SRGAP2: variants seen among roughly 807,000 people sequenced by gnomAD.
SRGAP2 encodes the protein SLIT-ROBO Rho GTPase activating protein 2.
Under a neutral mutation model 57.2 loss-of-function variants are expected in SRGAP2, and 15 were observed. The observed-to-expected ratio is 0.26, with a 90% CI of 0.18 to 0.40. The LOEUF is 0.40. Among genes scored for constraint, SRGAP2 ranks in the 10% least tolerant of loss-of-function variants. The pLI, the probability that SRGAP2 is intolerant of heterozygous loss-of-function variation, is 1.00. For missense variants in SRGAP2, 520 were observed against 669.6 expected (o/e 0.78, Z 2.47); for synonymous variants, 249 against 248.0 (o/e 1.00, Z -0.04).
At chr1:206,310,603 A>G (rs1360288189) in intron 3 of SRGAP2, among the ~76,000 whole-genome samples, 3 of 152,132 alleles carry the variant, frequency 2.0e-5, no homozygotes, top group African/African-American at 7.2e-5. Flanking sequence ...TCTACTTCTC[A>G]ATGCAACATT....
chr1:206,448,139 GC>G (rs1355016449), intron 18 of SRGAP2, among the ~76,000 whole-genome samples: 2 of 152,160 alleles, frequency 1.3e-5, no homozygotes, highest in African/African-American at 2.4e-5. Context: ...AGAAGTGCCA[GC>G]CCCGGGAGCT....
At chr1:206,445,596 A>G (rs1258229809) in intron 17 of SRGAP2, among the ~76,000 whole-genome samples, 1 of 152,124 alleles carries the variant, frequency 6.6e-6, no homozygotes, top group African/African-American at 2.4e-5. Flanking sequence ...TAATAATTTG[A>G]TTATTTTGTT....
intron 13 of SRGAP2, among the ~76,000 whole-genome samples, chr1:206,422,188 G>C (rs1055382431): frequency 2.0e-5 from 3 of 152,146 alleles, no homozygotes; most frequent in Non-Finnish European, 4.4e-5. Flanking sequence ...TAAAGAGGGC[G>C]CATGGTTTTT....
chr1:206,231,652 C>T (rs1667646381), intron 2 of SRGAP2, among the ~76,000 whole-genome samples: 1 of 148,510 alleles, frequency 6.7e-6, no homozygotes, highest in Non-Finnish European at 1.5e-5. Context: ...ATTTTTGTGC[C>T]TCAGCCACCC....
At chr1:206,322,802 A>T (rs1553328177) in intron 3 of SRGAP2, among the ~76,000 whole-genome samples, 1 of 141,094 alleles carries the variant, frequency 7.1e-6, no homozygotes, top group African/African-American at 3.0e-5. Flanking sequence ...AAAGAAGCTT[A>T]TTTGGCTCAC....
intron 2 of SRGAP2, among the ~76,000 whole-genome samples, chr1:206,274,058 TA>T (rs1176392375): frequency 7.4e-6 from 1 of 135,006 alleles, no homozygotes; most frequent in Non-Finnish European, 1.5e-5. Flanking sequence ...CAGAACAAGA[TA>T]GGGGAAAAGA....
intron 3 of SRGAP2, among the ~76,000 whole-genome samples, chr1:206,313,900 C>T (rs1672857132): frequency 1.3e-5 from 2 of 151,526 alleles, no homozygotes; most frequent in Non-Finnish European, 2.9e-5. Context: ...CACCCCTGTA[C>T]TCCTAGAGCT....
At chr1:206,241,911 C>CGT (rs781785493) in intron 2 of SRGAP2, among the ~76,000 whole-genome samples, 18,118 of 103,294 alleles carry the variant, frequency 0.18, 1,628 homozygotes, top group Middle Eastern at 0.2. Flanking sequence ...GAGGTGTTTG[C>CGT]GTGTGTGTGT....
chr1:206,307,912 G>T (rs1170894249), intron 3 of SRGAP2, among the ~76,000 whole-genome samples: 16 of 152,236 alleles, frequency 1.1e-4, no homozygotes, highest in Non-Finnish European at 2.1e-4. Context: ...CAGTGCAGGG[G>T]GGGGTGCTGA....
At chr1:206,289,578 G>C (rs1321156949) in intron 2 of SRGAP2, among the ~76,000 whole-genome samples, 1 of 150,770 alleles carries the variant, frequency 6.6e-6, no homozygotes, top group East Asian at 1.9e-4. Context: ...CGCCCAGCTG[G>C]ACTGTTTTTT....
intron 2 of SRGAP2, among the ~76,000 whole-genome samples, chr1:206,279,901 C>T (rs1277994226): frequency 3.3e-5 from 5 of 151,760 alleles, no homozygotes; most frequent in Admixed American, 6.6e-5. Flanking sequence ...ATGTACATAG[C>T]CAGAGGATCA....
chr1:206,256,351 C>A (rs1403619446), intron 2 of SRGAP2, among the ~76,000 whole-genome samples: 10 of 152,138 alleles, frequency 6.6e-5, no homozygotes, highest in Non-Finnish European at 1.5e-4. Context: ...TTCACATACC[C>A]ATCAGGCTAA....
At chr1:206,228,730 A>T (rs1338879718) in intron 2 of SRGAP2, among the ~76,000 whole-genome samples, 6 of 151,836 alleles carry the variant, frequency 4.0e-5, no homozygotes, top group Non-Finnish European at 8.8e-5. Context: ...GAGTTGGATA[A>T]ATTAGGGTAA....
At chr1:206,420,724 CA>C (rs1660226872) in intron 12 of SRGAP2, among the ~76,000 whole-genome samples, 1 of 152,166 alleles carries the variant, frequency 6.6e-6, no homozygotes, top group Non-Finnish European at 1.5e-5. Context: ...AGGCTAAACA[CA>C]GATTGGAAAA....
intron 3 of SRGAP2, among the ~76,000 whole-genome samples, chr1:206,337,428 A>G (rs1292164226): frequency 1.4e-5 from 1 of 72,308 alleles, no homozygotes; most frequent in African/African-American, 7.5e-5. Flanking sequence ...GCATGTTGGA[A>G]ATTGATGAAA....
Position 206,461,630 on chromosome 1 carries a change from C to T in SRGAP2, c.*210C>T, listed in dbSNP as rs939912515. On this transcript the variant is annotated 3_prime_UTR_variant, in exon 23 of 23. Coordinates refer to ENST00000573034, the MANE Select transcript of SRGAP2 (RefSeq NM_015326.5). ...ACTGCCCTCTGCTTCCCCCAGTCGT[C>T]GTAATTCAGCCAGCTGCAGTCCGTA... The T allele has an allele frequency of 2.2e-5, 12 of 553,878 alleles. No individual in the cohort carries two copies. Among genetic ancestry groups the T allele is most frequent in the African/African-American group, 9.4e-5 (5 of 53,110 alleles). The allele number at this position is 553,878 out of a possible 1,614,324, so 34.3% of individuals were successfully genotyped here. A position where few individuals can be genotyped will look rare whatever the true frequency, so the allele number is the denominator to read the frequency against.
intron 17 of SRGAP2, among the ~76,000 whole-genome samples, chr1:206,441,343 C>T (rs1245394192): frequency 6.6e-5 from 10 of 152,056 alleles, no homozygotes; most frequent in African/African-American, 1.9e-4. Context: ...ACCCAGGGAA[C>T]GGATGTGTCT....
intron 3 of SRGAP2, among the ~76,000 whole-genome samples, chr1:206,328,126 A>G (rs1674103520): frequency 8.6e-6 from 1 of 116,106 alleles, no homozygotes; most frequent in East Asian, 2.4e-4. Flanking sequence ...GTCCCTACAA[A>G]GGACATGAAC....
intron 4 of SRGAP2, among the ~76,000 whole-genome samples, chr1:206,359,975 T>G (rs1451694918): frequency 6.6e-6 from 1 of 150,436 alleles, no homozygotes; most frequent in African/African-American, 2.5e-5. Flanking sequence ...CCCGGCTAAT[T>G]TTTTGTATTT....
Sources: gnomAD v4.1 joint callset for allele counts (sites outside exome capture counted in the v4.1 genomes callset) on GRCh38, gnomAD v4.1.1 for gene constraint, MANE v1.5 for transcripts, NCBI Gene and HGNC (gene_info 2026-07-23, HGNC 2026-07-21) for gene names.